Variants in MAPKAPK5 observed in about 807,000 individuals in gnomAD.
The protein encoded by MAPKAPK5 is MAPK activated protein kinase 5, also known as MAP kinase-activated protein kinase 5.
MAPKAPK5 carries 30 observed loss-of-function variants against 65.1 expected under a neutral mutation model. The observed-to-expected ratio is 0.46, with a 90% CI of 0.34 to 0.63. The LOEUF (loss-of-function observed/expected upper bound fraction) is 0.63. MAPKAPK5 is among the 20% of genes least tolerant of loss of function. The pLI, the probability that MAPKAPK5 is intolerant of heterozygous loss-of-function variation, is 0.01. For synonymous variants in MAPKAPK5, 179 were observed against 204.6 expected (o/e 0.87, Z 1.07); for missense variants, 433 against 581.4 (o/e 0.74, Z 2.63).
In MAPKAPK5 at chr12:111,871,066, C is replaced by CTTTTTTTTT; in HGVS notation, c.484-17_484-9dup. 7.6e-7 allele frequency: 1 copy of CTTTTTTTTT among 1,311,286 alleles called. No homozygotes were observed. Among genetic ancestry groups the CTTTTTTTTT allele is most frequent in the Non-Finnish European group, 1.1e-6 (1 of 951,628 alleles). 81.2% of individuals were successfully genotyped at this position (1,311,286 alleles called of 1,614,324 possible). On this transcript the variant is annotated intron_variant, in intron 6 of 13. Transcript: ENST00000550735. ...ACTGAGCACTCTGGAGCAGTGACTC[C>CTTTTTTTTT]TTTTTTTTTTAATTTCAGGATGCCC...
Position 111,870,306 on chromosome 12 carries a change from C to G in MAPKAPK5, c.429C>G (p.Asn143Lys), listed in dbSNP as rs368919807. 2.5e-6 allele frequency: 4 copies of G among 1,610,596 alleles called. No homozygotes were observed. Among genetic ancestry groups the G allele is most frequent in the Middle Eastern group, 1.6e-4 (1 of 6,062 alleles). ...ALALRHCHLL[N>K]IAHRDLKPEN... ...CTCTGCGGCACTGTCACTTGTTAAA[C>G]ATTGCGCACAGAGACCTCAAGCCTG... The change falls in exon 6 of 14, where the codon AAC becomes AAG. Residue 143 changes from asparagine (N) to lysine (K), a missense_variant. This residue lies in a region of MAPKAPK5 where 165 missense variants were observed against 180.0 expected (regional missense o/e 0.92). Transcript: ENST00000550735.
At chr12:111,881,403 C>CTTT (rs61349417) in intron 8 of MAPKAPK5, among the ~76,000 whole-genome samples, 1 of 110,726 alleles carries the variant, frequency 9.0e-6, no homozygotes, top group South Asian at 2.8e-4. Context: ...CTGTCTGTTC[C>CTTT]TTTTTTTTTT....
chr12:111,845,394 T>G (rs561385572), intron 1 of MAPKAPK5, among the ~76,000 whole-genome samples: 63 of 152,152 alleles, frequency 4.1e-4, no homozygotes, highest in African/African-American at 1.5e-3. Flanking sequence ...GACCTCAGGT[T>G]ATCTGTCCGC....
chr12:111,882,994 G>T, intron 8 of MAPKAPK5: 1 of 247,042 alleles, frequency 4.0e-6, no homozygotes. Context: ...GGCCTAAAGA[G>T]TGAGAATGAA....
Position 111,874,471 on chromosome 12 carries a change from T to G in MAPKAPK5, c.579+3291T>G, listed in dbSNP as rs759516493. Among the ~76,000 whole-genome samples, 707 of 120,828 alleles carry G rather than the reference T, an allele frequency of 5.9e-3. 3 individuals are homozygous for G. Among genetic ancestry groups the G allele is most frequent in the South Asian group, 0.015 (53 of 3,478 alleles). The allele number at this position is 120,828 out of a possible 152,430, so 79.3% of individuals were successfully genotyped here. On this transcript the variant is annotated intron_variant, in intron 7 of 13. Transcript: ENST00000550735. ...GTGTTTTTTGTTTGTTTGTTTTGGG[T>G]TTTTTTTTTTTTTTTTGAGATGGAA...
chr12:111,843,251 T>A (rs897450452), intron 1 of MAPKAPK5: 10 of 398,628 alleles, frequency 2.5e-5, no homozygotes, highest in African/African-American at 1.6e-4. Flanking sequence ...GGGGAATAGG[T>A]TGTCCTCACT....
intron 7 of MAPKAPK5, among the ~76,000 whole-genome samples, chr12:111,871,685 A>G (rs1217143354): frequency 1.3e-5 from 2 of 152,194 alleles, no homozygotes; most frequent in African/African-American, 4.8e-5. Context: ...TTGAGGTATG[A>G]TTTAGAAGTA....
Position 111,898,525 on chromosome 12 carries a change from C to T in MAPKAPK5, c.*5464C>T, listed in dbSNP as rs920662150. The T allele has an allele frequency of 3.9e-5, 6 of 152,038 alleles. No individual in the cohort carries two copies. Among genetic ancestry groups the T allele is most frequent in the African/African-American group, 1.4e-4 (6 of 41,398 alleles). The allele number at this position is 152,038 out of a possible 1,614,324, so 9.4% of individuals were successfully genotyped here. A position where few individuals can be genotyped will look rare whatever the true frequency, so the allele number is the denominator to read the frequency against. On this transcript the variant is annotated 3_prime_UTR_variant, in exon 14 of 14. Transcript: ENST00000550735. Reference sequence around the variant, plus strand: ...GAGGAACTGAACTTTGATCCTGATCCTTTATATACTCCCATGGTGAAACTT... The same window carrying T: ...GAGGAACTGAACTTTGATCCTGATCTTTTATATACTCCCATGGTGAAACTT...
At chr12:111,882,490 C>A (rs376465636) in intron 8 of MAPKAPK5, among the ~76,000 whole-genome samples, 3 of 152,214 alleles carry the variant, frequency 2.0e-5, no homozygotes, top group South Asian at 2.1e-4. Flanking sequence ...GTGGCAGGCT[C>A]ACGGGGCTGC....
intron 1 of MAPKAPK5, among the ~76,000 whole-genome samples, chr12:111,861,474 G>A (rs139160703): frequency 0.013 from 1,987 of 151,930 alleles, 22 homozygotes; most frequent in Non-Finnish European, 0.02. Context: ...GATTACAGGC[G>A]CCGCCACCAC....
In MAPKAPK5 at chr12:111,901,086, A is replaced by T; in HGVS notation, c.*8025A>T. ...CTTACCAAAAATCAATCTCCAACAT[A>T]CAATGATTCAGGTCCCTCAGGGAGA... On this transcript the variant is annotated 3_prime_UTR_variant, in exon 14 of 14. Transcript: ENST00000550735. The T allele has an allele frequency of 2.2e-6, 1 of 456,130 alleles. No individual in the cohort carries two copies. Among genetic ancestry groups the T allele is most frequent in the South Asian group, 1.5e-5 (1 of 64,570 alleles). 28.3% of individuals were successfully genotyped at this position (456,130 alleles called of 1,614,324 possible).
At chr12:111,889,634 C>G (rs1566278246) in intron 12 of MAPKAPK5, 1 of 175,202 alleles carries the variant, frequency 5.7e-6, no homozygotes, top group Non-Finnish European at 1.2e-5. Flanking sequence ...TCCCTAGATT[C>G]CTTGGGTTTT....
intron 13 of MAPKAPK5, among the ~76,000 whole-genome samples, chr12:111,891,637 C>CA (rs78504500): frequency 0.17 from 14,247 of 86,184 alleles, 1,659 homozygotes; most frequent in East Asian, 0.61. Context: ...ACTAAAAATA[C>CA]AAAAAAAAAA....
chr12:111,866,344 C>T (rs1431981957), intron 3 of MAPKAPK5, 113 bp downstream of exon 3: 6 of 795,452 alleles, frequency 7.5e-6, no homozygotes, highest in Non-Finnish European at 1.2e-5. Context: ...AGTTTTATGT[C>T]CAAACTTTAC....
Position 111,842,666 on chromosome 12 carries a change from C to T in MAPKAPK5, c.-68C>T, listed in dbSNP as rs963385147. On this transcript the variant is annotated 5_prime_UTR_variant, in exon 1 of 14. Transcript: ENST00000550735. ...GCCCGAGTGCCGAGCCCTTTGCTCCCTCGGCCGCGCGGGGACAGGGCTGCT... is the reference window on the plus strand; with the variant it reads ...GCCCGAGTGCCGAGCCCTTTGCTCCTTCGGCCGCGCGGGGACAGGGCTGCT... 1.6e-6 allele frequency: 2 copies of T among 1,257,564 alleles called. No individual in the cohort carries two copies. The highest frequency in any genetic ancestry group is 2.0e-6 in the Non-Finnish European group (2 of 977,962). The allele number at this position is 1,257,564 out of a possible 1,614,324, so 77.9% of individuals were successfully genotyped here. A position where few individuals can be genotyped will look rare whatever the true frequency, so the allele number is the denominator to read the frequency against.
intron 7 of MAPKAPK5, 115 bp from the exon 8 acceptor site, chr12:111,880,331 TC>T (rs1638970920): frequency 2.4e-6 from 2 of 824,764 alleles, no homozygotes; most frequent in South Asian, 2.9e-5. Context: ...GAGTTTTTTT[TC>T]GATGGCTGAT....
chr12:111,884,001 C>G (rs1301784164), intron 9 of MAPKAPK5, among the ~76,000 whole-genome samples: 2 of 152,208 alleles, frequency 1.3e-5, no homozygotes, highest in African/African-American at 4.8e-5. Context: ...GGGTGTGAAC[C>G]CAGGTCCCTC....
chr12:111,843,326 A>T (rs2068791535), intron 1 of MAPKAPK5: 1 of 398,522 alleles, frequency 2.5e-6, no homozygotes, highest in Admixed American at 4.4e-5. Flanking sequence ...GAGTTTACTT[A>T]GGAAAAGTTA....
At chr12:111,871,642 CA>C (rs777616145) in intron 7 of MAPKAPK5, among the ~76,000 whole-genome samples, 3 of 149,458 alleles carry the variant, frequency 2.0e-5, no homozygotes, top group Admixed American at 6.7e-5. Flanking sequence ...GACTCCGTCT[CA>C]AAAAAAAATA....
Sources: allele counts gnomAD v4.1 joint callset (sites outside exome capture counted in the v4.1 genomes callset), GRCh38; gene constraint gnomAD v4.1.1; regional missense constraint gnomAD v4.1.1; transcripts MANE v1.5; gene names NCBI Gene and HGNC (gene_info 2026-07-23, HGNC 2026-07-21).